Variants in UGT1A7 observed in about 807,000 individuals in gnomAD.
UGT1A7 encodes the protein UDP glucuronosyltransferase family 1 member A7.
In UGT1A7, 33 loss-of-function variants were observed where a neutral mutation model predicts 45.6. That is an observed-to-expected ratio of 0.72 (90% CI 0.55 to 0.97). The LOEUF (loss-of-function observed/expected upper bound fraction) is 0.97, where lower values mean the gene tolerates loss of function less well. Among genes scored for constraint, UGT1A7 ranks in the 50% least tolerant of loss-of-function variants. The pLI is 0.00. For synonymous variants in UGT1A7, 274 were observed against 250.6 expected, an observed-to-expected ratio of 1.09 and a Z score of -0.88; for missense variants, 684 against 666.2, an observed-to-expected ratio of 1.03 and a Z score of -0.29.
intron 1 of UGT1A7, chr2:233,743,388 GCA>G (rs1174910431): frequency 8.1e-7 from 1 of 1,233,944 alleles, no homozygotes; most frequent in Non-Finnish European, 1.1e-6. Context: ...CGTAGGACAT[GCA>G]GAAGGAAGAA....
intron 1 of UGT1A7, among the ~76,000 whole-genome samples, chr2:233,702,216 G>A (rs1362223857): frequency 2.0e-5 from 3 of 151,996 alleles, no homozygotes; most frequent in Non-Finnish European, 4.4e-5. Flanking sequence ...TCAACTTTCT[G>A]TCCTTATGAA....
At chr2:233,720,574 T>A (rs1460258632) in intron 1 of UGT1A7, among the ~76,000 whole-genome samples, 1 of 152,136 alleles carries the variant, frequency 6.6e-6, no homozygotes, top group Non-Finnish European at 1.5e-5. Context: ...CTATTCTTTT[T>A]CCAAAAATTT....
chr2:233,729,269 T>C, intron 1 of UGT1A7: 1 of 1,614,208 alleles, frequency 6.2e-7, no homozygotes, highest in Non-Finnish European at 8.5e-7. Context: ...CGGGAGGTCT[T>C]GCGGGAGCTC....
intron 1 of UGT1A7, among the ~76,000 whole-genome samples, chr2:233,716,226 A>G (rs1309299393): frequency 1.3e-5 from 2 of 152,106 alleles, no homozygotes; most frequent in African/African-American, 4.8e-5. Context: ...AGCCCTTGTG[A>G]TTACATTGTC....
intron 1 of UGT1A7, among the ~76,000 whole-genome samples, chr2:233,712,053 A>G (rs1487339594): frequency 2.6e-5 from 4 of 152,208 alleles, no homozygotes; most frequent in Non-Finnish European, 4.4e-5. Context: ...AAAAAGCCTG[A>G]CCATAATCTT....
At chr2:233,766,273 TGGCCCGGGCTC>T (rs1203864514) in intron 1 of UGT1A7, among the ~76,000 whole-genome samples, 29 of 151,808 alleles carry the variant, frequency 1.9e-4, no homozygotes, top group Admixed American at 3.9e-4. Context: ...CCGGGCTCGG[TGGCCCGGGCTC>T]GGTGGCCTGG....
intron 1 of UGT1A7, among the ~76,000 whole-genome samples, chr2:233,702,777 G>C (rs745755769): frequency 6.6e-6 from 1 of 152,158 alleles, no homozygotes; most frequent in Non-Finnish European, 1.5e-5. Context: ...TGATTTGCAG[G>C]TGTAAACGAA....
chr2:233,763,806 G>A (rs1352583064), intron 1 of UGT1A7, among the ~76,000 whole-genome samples: 14 of 152,218 alleles, frequency 9.2e-5, no homozygotes, highest in Non-Finnish European at 1.8e-4. Context: ...TGAAACTCAA[G>A]AATTCCAAGA....
At chr2:233,712,927 GA>G in intron 1 of UGT1A7, 25 of 1,612,018 alleles carry the variant, frequency 1.6e-5, no homozygotes, top group Non-Finnish European at 2.0e-5. Flanking sequence ...TAATTAAGAC[GA>G]AGGAAACAAT....
In UGT1A7 at chr2:233,682,639, T is replaced by C. The variant is rs200299318; in HGVS notation, c.702T>C (p.Ile234=). ...ATGTCTTAGAAATAGCCTCTGAAATTCTCCAAACCCCTGTCACGGCATATG... is the reference window on the plus strand; with the variant it reads ...ATGTCTTAGAAATAGCCTCTGAAATCCTCCAAACCCCTGTCACGGCATATG... ...FKNVLEIASE[I]LQTPVTAYDL... is the part of the protein sequence containing the mutation. Residue 234 remains isoleucine, a synonymous_variant, in exon 1 of 5, where the codon ATT becomes ATC. Coordinates refer to ENST00000373426, the MANE Select transcript of UGT1A7 (RefSeq NM_019077.3). 1.6e-5 allele frequency: 26 copies of C among 1,613,792 alleles called. No individual in the cohort carries two copies. The highest frequency in any genetic ancestry group is 2.2e-5 in the Non-Finnish European group (26 of 1,179,846).
chr2:233,682,462 C>T lies in UGT1A7; in HGVS notation c.525C>T (p.His175=). ...TCTTCGCCAGGGGAATATTTTGCCA[C>T]TATCTTGAAGAAGGTGCACAGTGCC... ...SVVFARGIFC[H]YLEEGAQCPA... is the part of the protein sequence containing the mutation. Residue 175 remains histidine (H), a synonymous_variant, in exon 1 of 5, where the codon CAC becomes CAT. Transcript: ENST00000373426. The T allele has an allele frequency of 1.2e-6, 2 of 1,613,942 alleles. No homozygotes were observed. Among genetic ancestry groups the T allele is most frequent in the Non-Finnish European group, 1.7e-6 (2 of 1,179,856 alleles).
intron 1 of UGT1A7, among the ~76,000 whole-genome samples, chr2:233,710,360 T>C (rs1335672685): frequency 6.6e-6 from 1 of 152,254 alleles, no homozygotes; most frequent in Non-Finnish European, 1.5e-5. Flanking sequence ...AAAGCAGTTA[T>C]ACAATTTTAC....
intron 1 of UGT1A7, chr2:233,740,766 G>T (rs189465133): frequency 6.6e-6 from 1 of 151,710 alleles, no homozygotes; most frequent in Admixed American, 6.5e-5. Context: ...TTATCAAACC[G>T]TTGTATAAAA....
In UGT1A7 at chr2:233,717,239, G is replaced by A. The variant is rs28898607; in HGVS notation, c.855+34447G>A. 4.1e-3 allele frequency among the ~76,000 whole-genome samples: 632 copies of A among 152,306 alleles called. 8 individuals are homozygous for A. Among genetic ancestry groups the A allele is most frequent in the African/African-American group, 0.014 (600 of 41,574 alleles). On this transcript the variant is annotated intron_variant, in intron 1 of 4. Coordinates refer to ENST00000373426, the MANE Select transcript of UGT1A7 (RefSeq NM_019077.3). ...TCATCAGGAGGGTTCTTAAGATGCAGACAGTTTTAAGGGGGTTGGAGGAAT... is the reference window on the plus strand; with the variant it reads ...TCATCAGGAGGGTTCTTAAGATGCAAACAGTTTTAAGGGGGTTGGAGGAAT...
Position 233,760,881 on chromosome 2 carries a change from C to T in UGT1A7, c.856-6153C>T, listed in dbSNP as rs199675631. ...TCTCCTACGTGCCCAGGCCTCTCTC[C>T]TCTCATTCAGATCACATGACCTTCC... On this transcript the variant is annotated intron_variant, in intron 1 of 4. Transcript: ENST00000373426. The T allele has an allele frequency of 3.1e-6, 5 of 1,614,198 alleles. No homozygotes were observed. The South Asian group carries it at 4.4e-5, about 14-fold the overall frequency.
chr2:233,699,724 G>A (rs908175905), intron 1 of UGT1A7, among the ~76,000 whole-genome samples: 2 of 152,272 alleles, frequency 1.3e-5, no homozygotes, highest in South Asian at 2.1e-4. Context: ...CATTTTTTAC[G>A]GAGCGTTTTC....
intron 1 of UGT1A7, among the ~76,000 whole-genome samples, chr2:233,717,441 A>T (rs985178855): frequency 6.6e-6 from 1 of 152,186 alleles, no homozygotes; most frequent in Non-Finnish European, 1.5e-5. Flanking sequence ...TGATGGACGC[A>T]TCCATTCACT....
chr2:233,729,652 A>T, intron 1 of UGT1A7: 1 of 1,613,890 alleles, frequency 6.2e-7, no homozygotes, highest in Non-Finnish European at 8.5e-7. Flanking sequence ...TTTGAGGAAC[A>T]TTCCATGTGA....
chr2:233,749,977 G>A (rs2221198), intron 1 of UGT1A7, among the ~76,000 whole-genome samples: 68,794 of 151,608 alleles, frequency 0.45, 16,248 homozygotes, highest in South Asian at 0.58. Flanking sequence ...ATAGCAGTGT[G>A]AGAATGGACT....
Sources: allele counts gnomAD v4.1 joint callset (sites outside exome capture counted in the v4.1 genomes callset), GRCh38; gene constraint gnomAD v4.1.1; transcripts MANE v1.5; gene names NCBI Gene and HGNC (gene_info 2026-07-23, HGNC 2026-07-21).